FOXN3: variants seen among roughly 807,000 people sequenced by gnomAD.
The protein encoded by FOXN3 is forkhead box N3, also known as forkhead box protein N3.
A neutral mutation model predicts 38.4 loss-of-function variants in FOXN3; 7 were observed. The ratio of observed to expected loss-of-function variants is 0.18; its 90% CI spans 0.10 to 0.34. The LOEUF (loss-of-function observed/expected upper bound fraction) is 0.34. FOXN3 is among the 10% of genes least tolerant of loss of function. The pLI is 1.00. For synonymous variants in FOXN3, 230 were observed against 242.2 expected (o/e 0.95, Z 0.47); for missense variants, 456 against 613.4 (o/e 0.74, Z 2.71).
intron 2 of FOXN3, among the ~76,000 whole-genome samples, chr14:89,358,664 G>T (rs1222507062): frequency 6.6e-6 from 1 of 152,150 alleles, no homozygotes; most frequent in African/African-American, 2.4e-5. Context: ...AGATTAATTA[G>T]AATACATGGG....
At chr14:89,259,943 C>T (rs764500205) in intron 4 of FOXN3, among the ~76,000 whole-genome samples, 5 of 152,210 alleles carry the variant, frequency 3.3e-5, no homozygotes, top group Non-Finnish European at 5.9e-5. Context: ...TCTGAATCTA[C>T]TCTCAACCAG....
At chr14:89,394,676 C>T (rs1382566639) in intron 2 of FOXN3, among the ~76,000 whole-genome samples, 4 of 152,248 alleles carry the variant, frequency 2.6e-5, no homozygotes, top group African/African-American at 4.8e-5. Context: ...TGGCCAGATA[C>T]ATGCATGCGC....
intron 1 of FOXN3, among the ~76,000 whole-genome samples, chr14:89,498,967 T>C (rs1893743374): frequency 6.6e-6 from 1 of 152,164 alleles, no homozygotes; most frequent in South Asian, 2.1e-4. Flanking sequence ...CGATTTAGCC[T>C]GTTACAGATA....
chr14:89,309,682 C>G (rs1205081223), intron 3 of FOXN3, among the ~76,000 whole-genome samples: 1 of 152,112 alleles, frequency 6.6e-6, no homozygotes, highest in Non-Finnish European at 1.5e-5. Context: ...AGCCAAGGCC[C>G]GGCCTCTACA....
Position 89,164,281 on chromosome 14 carries a change from G to C in FOXN3, c.852-1312C>G, listed in dbSNP as rs1887183094. Among the ~76,000 whole-genome samples, 1 of 152,178 alleles carries C rather than the reference G, an allele frequency of 6.6e-6. No homozygotes were observed. The highest frequency in any genetic ancestry group is 2.4e-5 in the African/African-American group (1 of 41,448). On this transcript the variant is annotated intron_variant, in intron 5 of 5. Transcript: ENST00000557258. This position sits in a 1 kb window ranked among gnomAD's most constrained non-coding sequence, Gnocchi z 4.3. ...GAAGGGGACGAAGGGTGGACGCCAG[G>C]GAATGTTTTGTGGAAGACAAGGCAT...
At chr14:89,288,716 CTCTCTCTCTATATATATATATATA>C (rs1566947662) in intron 3 of FOXN3, among the ~76,000 whole-genome samples, 255 of 51,586 alleles carry the variant, frequency 4.9e-3, no homozygotes, top group Non-Finnish European at 6.5e-3. Context: ...CTCTCTCTCT[CTCTCTCTCTATATATATATATATA>C]TATATATATA....
At chr14:89,594,346 C>T (rs1896014765) in intron 1 of FOXN3, among the ~76,000 whole-genome samples, 2 of 152,232 alleles carry the variant, frequency 1.3e-5, no homozygotes, top group Non-Finnish European at 2.9e-5. Context: ...TGAGAATTCT[C>T]ATTTCTACAA....
chr14:89,245,710 C>T lies in FOXN3; in HGVS notation c.745+35240G>A, dbSNP rs139569529. On this transcript the variant is annotated intron_variant, in intron 4 of 5. Coordinates refer to ENST00000557258, the MANE Select transcript of FOXN3 (RefSeq NM_005197.4). ...CAGATAAAAGAGATATAAAAGAATG[C>T]TTCAAAATTCACATTTTTCCTTTTT... is the stretch of plus-strand genomic sequence containing the variant. Among the ~76,000 whole-genome samples, 7 of 152,312 alleles carry T rather than the reference C, an allele frequency of 4.6e-5. No individual in the cohort carries two copies. The East Asian group carries it at 1.4e-3, about 29-fold the overall frequency.
At chr14:89,569,691 A>G (rs982950781) in intron 1 of FOXN3, among the ~76,000 whole-genome samples, 3 of 152,206 alleles carry the variant, frequency 2.0e-5, no homozygotes, top group African/African-American at 7.2e-5. Flanking sequence ...ATGAAAAACT[A>G]GTTGCTGCCT....
At chr14:89,199,419 G>T (rs17125514) in intron 4 of FOXN3, among the ~76,000 whole-genome samples, 4 of 151,994 alleles carry the variant, frequency 2.6e-5, no homozygotes, top group Non-Finnish European at 5.9e-5. Flanking sequence ...ACACCAAGAG[G>T]GGCCTTTCTT....
At chr14:89,597,043 A>C (rs1184396662) in intron 1 of FOXN3, among the ~76,000 whole-genome samples, 2 of 152,166 alleles carry the variant, frequency 1.3e-5, no homozygotes, top group African/African-American at 4.8e-5. Flanking sequence ...AACTTCTGGA[A>C]ATTAATGCTT....
At chr14:89,232,352 G>A (rs1884837804) in intron 4 of FOXN3, among the ~76,000 whole-genome samples, 1 of 152,136 alleles carries the variant, frequency 6.6e-6, no homozygotes, top group Non-Finnish European at 1.5e-5. Flanking sequence ...ATGACCAATA[G>A]ACCCCGAGTG....
intron 3 of FOXN3, among the ~76,000 whole-genome samples, chr14:89,339,101 T>G (rs569345607): frequency 6.6e-6 from 1 of 152,146 alleles, no homozygotes; most frequent in East Asian, 1.9e-4. Context: ...CCTGGGTGAG[T>G]TGCTGGGATT....
At chr14:89,331,515 G>A (rs1352746882) in intron 3 of FOXN3, among the ~76,000 whole-genome samples, 2 of 152,160 alleles carry the variant, frequency 1.3e-5, no homozygotes, top group Non-Finnish European at 2.9e-5. Flanking sequence ...TATGGATTTA[G>A]CAAAAGCAGT....
intron 1 of FOXN3, among the ~76,000 whole-genome samples, chr14:89,535,648 A>T (rs1327226115): frequency 2.0e-5 from 3 of 152,168 alleles, no homozygotes; most frequent in Non-Finnish European, 2.9e-5. Flanking sequence ...TGTCTTTTCA[A>T]CAAGCAGAGC....
In FOXN3 at chr14:89,511,237, CTTTTCTTTCT is replaced by C. The variant is rs1566681187; in HGVS notation, c.-14-98757_-14-98748del. Reference sequence around the variant, plus strand: ...TTTCTTTCTTTCTTTCTTTTCTTTCCTTTTCTTTCTTTTCTTTCTTTCTTTCTTTCTTTCT... The same window carrying C: ...TTTCTTTCTTTCTTTCTTTTCTTTCCTTTCTTTCTTTCTTTCTTTCTTTCT... On this transcript the variant is annotated intron_variant, in intron 1 of 6. Coordinates refer to the FOXN3 transcript ENST00000345097. Among the ~76,000 whole-genome samples the C allele has an allele frequency of 1.2e-4, 3 of 25,718 alleles. 1 individual carries two copies. Among genetic ancestry groups the C allele is most frequent in the African/African-American group, 3.6e-4 (3 of 8,296 alleles). 16.9% of individuals were successfully genotyped at this position (25,718 alleles called of 152,430 possible). A position where few individuals can be genotyped will look rare whatever the true frequency, so the allele number is the denominator to read the frequency against.
chr14:89,478,277 C>A (rs544800707), intron 1 of FOXN3, among the ~76,000 whole-genome samples: 14 of 152,298 alleles, frequency 9.2e-5, no homozygotes, highest in African/African-American at 2.6e-4. Flanking sequence ...GCAGATGCCA[C>A]TATGCTTCCT....
At chr14:89,579,382 C>G (rs1303448398) in intron 1 of FOXN3, among the ~76,000 whole-genome samples, 1 of 148,866 alleles carries the variant, frequency 6.7e-6, no homozygotes, top group African/African-American at 2.5e-5. Flanking sequence ...CCTCAAACTC[C>G]TGGCCTCAAG....
intron 2 of FOXN3, among the ~76,000 whole-genome samples, chr14:89,354,133 G>T (rs1323908269): frequency 6.6e-6 from 1 of 152,154 alleles, no homozygotes; most frequent in Admixed American, 6.5e-5. Context: ...CTTGATTATA[G>T]TTGTGTAGTA....
Sources: gnomAD v4.1 joint callset for allele counts (sites outside exome capture counted in the v4.1 genomes callset) on GRCh38, gnomAD v4.1.1 for gene constraint, Gnocchi (gnomAD v3.1) non-coding constraint, MANE v1.5 for transcripts, NCBI Gene and HGNC (gene_info 2026-07-23, HGNC 2026-07-21) for gene names.